DZANK1: variants seen among roughly 807,000 people sequenced by gnomAD.
DZANK1 encodes double zinc ribbon and ankyrin repeat-containing protein 1.
In DZANK1, 91 loss-of-function variants were observed where a neutral mutation model predicts 94.5. The observed-to-expected ratio is 0.96, with a 90% CI of 0.81 to 1.15. The LOEUF (loss-of-function observed/expected upper bound fraction) is 1.15, where lower values mean the gene tolerates loss of function less well. DZANK1 is among the 50% of genes most tolerant of loss of function. DZANK1 has a pLI of 0.00. For synonymous variants in DZANK1, 312 were observed against 325.3 expected, an observed-to-expected ratio of 0.96 and a Z score of 0.44; for missense variants, 903 against 916.4, an observed-to-expected ratio of 0.99 and a Z score of 0.19.
chr20:18,417,537 T>C (rs984260988), intron 10 of DZANK1, among the ~76,000 whole-genome samples: 12 of 138,860 alleles, frequency 8.6e-5, no homozygotes, highest in Non-Finnish European at 1.6e-4. Context: ...TGATATCAAG[T>C]CTAAAACCAC....
chr20:18,456,475 C>T (rs1358831712), intron 3 of DZANK1, among the ~76,000 whole-genome samples: 2 of 152,160 alleles, frequency 1.3e-5, no homozygotes, highest in Non-Finnish European at 2.9e-5. Context: ...CAACGGAATT[C>T]AGTCAATGTA....
chr20:18,408,229 T>A (rs1160544482), intron 13 of DZANK1, among the ~76,000 whole-genome samples: 1 of 152,132 alleles, frequency 6.6e-6, no homozygotes. Flanking sequence ...GGCAGGAGAA[T>A]CGCTTCAACC....
intron 13 of DZANK1, among the ~76,000 whole-genome samples, chr20:18,410,170 G>A (rs1257156898): frequency 2.6e-5 from 4 of 151,772 alleles, no homozygotes; most frequent in Non-Finnish European, 4.4e-5. Flanking sequence ...ATAAATAATA[G>A]TTCTTTTTTT....
At chr20:18,438,156 T>C (rs1165197250) in intron 8 of DZANK1, among the ~76,000 whole-genome samples, 1 of 141,582 alleles carries the variant, frequency 7.1e-6, no homozygotes, top group Non-Finnish European at 1.5e-5. Context: ...GAGGCGGAGC[T>C]TGCAGTGAGC....
In DZANK1 at chr20:18,396,555, A is replaced by C. The variant is rs373323266; in HGVS notation, c.1537-9T>G. On this transcript the variant is annotated splice_polypyrimidine_tract_variant and intron_variant, in intron 14 of 20. Coordinates refer to ENST00000262547, the Ensembl canonical transcript of DZANK1. ...ACAGTAGCAGAGATAAGCTTTTAAA[A>C]GAGTTGTAGAGAGAATTCATAACTG... The C allele has an allele frequency of 2.5e-6, 4 of 1,607,278 alleles. No homozygotes were observed. The highest frequency in any genetic ancestry group is 1.3e-5 in the African/African-American group (1 of 74,730).
In DZANK1 at chr20:18,433,801, A is replaced by C. The variant is rs927734059; in HGVS notation, c.748-36T>G. On this transcript the variant is annotated intron_variant, in intron 8 of 20. Transcript: ENST00000262547. ...AAAAGGTCTGGTTTATCTTGCACAT[A>C]AAAACTGAAGGTATGAATAGATCTT... 3.2e-6 allele frequency: 5 copies of C among 1,570,190 alleles called. No homozygotes were observed. The African/African-American group carries it at 6.8e-5, about 21-fold the overall frequency.
chr20:18,415,542 A>T, intron 10 of DZANK1, 93 bp from the exon 11 acceptor site: 1 of 1,270,068 alleles, frequency 7.9e-7, no homozygotes, highest in South Asian at 3.4e-5. Context: ...CCCAGACAAG[A>T]TGAGCCCCGG....
At chr20:18,465,946 G>A (rs923649414) in intron 1 of DZANK1, among the ~76,000 whole-genome samples, 1 of 152,206 alleles carries the variant, frequency 6.6e-6, no homozygotes, top group African/African-American at 2.4e-5. Context: ...CAGTGGAAAG[G>A]AAGTTTGCAA....
intron 12 of DZANK1, among the ~76,000 whole-genome samples, chr20:18,413,519 T>C (rs759779262): frequency 5.3e-5 from 8 of 152,056 alleles, no homozygotes; most frequent in Non-Finnish European, 7.4e-5. Context: ...TGGTGGCTCA[T>C]GCCTGTAATC....
At chr20:18,432,030 A>G (rs543600932) in intron 9 of DZANK1, among the ~76,000 whole-genome samples, 2 of 152,324 alleles carry the variant, frequency 1.3e-5, no homozygotes, top group East Asian at 3.9e-4. Context: ...CCTGGATTTA[A>G]TGCTGCTTAT....
At chr20:18,436,049 A>G (rs1238574901) in intron 8 of DZANK1, among the ~76,000 whole-genome samples, 3 of 152,194 alleles carry the variant, frequency 2.0e-5, no homozygotes, top group Non-Finnish European at 4.4e-5. Context: ...CTCAGAGGAA[A>G]AATAGTCAAT....
At chr20:18,385,961 C>T (rs372380050) in intron 19 of DZANK1, among the ~76,000 whole-genome samples, 19 of 152,198 alleles carry the variant, frequency 1.2e-4, no homozygotes, top group Admixed American at 3.3e-4. Context: ...GCTGGAGTGG[C>T]GCCAGGACTC....
At position 18,427,162 on chromosome 20, in the gene DZANK1, TAAC is replaced by T; in HGVS notation, c.862-6_862-4del. The T allele has an allele frequency of 6.2e-7, 1 of 1,610,320 alleles. No homozygotes were observed. On this transcript the variant is annotated splice_polypyrimidine_tract_variant and splice_region_variant and intron_variant, in intron 9 of 20. Coordinates refer to ENST00000262547, the Ensembl canonical transcript of DZANK1. Reference sequence around the variant, plus strand: ...CAGGCCCGGCAAATTACCTTCTCCTTAACAACAAAAAATAAGACATACATGTTC... The same window carrying T: ...CAGGCCCGGCAAATTACCTTCTCCTTAACAAAAAATAAGACATACATGTTC...
Position 18,414,236 on chromosome 20 carries a change from A to C in DZANK1, c.1242+112T>G, listed in dbSNP as rs745770402. ...ACACCTAGTTGAAATTCCATGTGAA[A>C]GTTCTAAAAGTTTTGGGTCTCTTCC... On this transcript the variant is annotated intron_variant, in intron 12 of 20. Coordinates refer to ENST00000262547, the Ensembl canonical transcript of DZANK1. 133 of 1,257,390 alleles carry C rather than the reference A, an allele frequency of 1.1e-4. 1 individual carries two copies. Among genetic ancestry groups the C allele is most frequent in the Middle Eastern group, 2.8e-4 (1 of 3,530 alleles). The allele number at this position is 1,257,390 out of a possible 1,614,324, so 77.9% of individuals were successfully genotyped here. A position where few individuals can be genotyped will look rare whatever the true frequency, so the allele number is the denominator to read the frequency against.
intron 13 of DZANK1, among the ~76,000 whole-genome samples, chr20:18,409,629 A>AAAAGACATT (rs2057141009): frequency 6.6e-6 from 1 of 151,976 alleles, no homozygotes; most frequent in Non-Finnish European, 1.5e-5. Flanking sequence ...ATGTAATTAT[A>AAAAGACATT]AAAGACATTA....
intron 13 of DZANK1, among the ~76,000 whole-genome samples, chr20:18,402,076 G>A (rs1431979331): frequency 6.6e-6 from 1 of 152,106 alleles, no homozygotes; most frequent in African/African-American, 2.4e-5. Context: ...AAGAAGATCT[G>A]GGAATGACCA....
At chr20:18,393,896 A>C in intron 16 of DZANK1, 85 bp from the exon 17 acceptor site, 1 of 941,290 alleles carries the variant, frequency 1.1e-6, no homozygotes, top group Non-Finnish European at 1.7e-6. Flanking sequence ...CACGTCCCTC[A>C]AAAGTCAGAG....
In DZANK1 at chr20:18,384,123, G is replaced by A. The variant is rs138965525; in HGVS notation, c.*276C>T. ...TGCCCAGGCTGGAGTGCGATGGCGC[G>A]ATCTTGGCTCACTGTAACCTCTGCC... On this transcript the variant is annotated 3_prime_UTR_variant, in exon 21 of 21. Transcript: ENST00000262547. 7.4e-3 allele frequency: 1,690 copies of A among 229,856 alleles called. 31 individuals are homozygous for A. Among genetic ancestry groups the A allele is most frequent in the African/African-American group, 0.036 (1,589 of 44,122 alleles). The allele number at this position is 229,856 out of a possible 1,614,324, so 14.2% of individuals were successfully genotyped here.
chr20:18,424,730 T>C (rs2057959571), intron 10 of DZANK1, among the ~76,000 whole-genome samples: 1 of 151,960 alleles, frequency 6.6e-6, no homozygotes, highest in African/African-American at 2.4e-5. Context: ...CTAAGAAAAA[T>C]GAAAACTATG....
Sources: gnomAD v4.1 joint callset for allele counts (sites outside exome capture counted in the v4.1 genomes callset) on GRCh38, gnomAD v4.1.1 for gene constraint, MANE v1.5 for transcripts, NCBI Gene and HGNC (gene_info 2026-07-23, HGNC 2026-07-21) for gene names.